The following SLC22A16 variants were observed in gnomAD, a reference collection of about 807,000 sequenced individuals.
SLC22A16 encodes WUGSC:RG331P03.1.
SLC22A16 carries 53 observed loss-of-function variants against 52.9 expected under a neutral mutation model. The observed-to-expected ratio is 1.00, with a 90% CI of 0.80 to 1.26. SLC22A16 has a LOEUF of 1.26. SLC22A16 is among the 50% of genes most tolerant of loss of function. The pLI is 0.00. For missense variants in SLC22A16, 726 were observed against 704.0 expected, an observed-to-expected ratio of 1.03 and a Z score of -0.35; for synonymous variants, 291 against 268.8, an observed-to-expected ratio of 1.08 and a Z score of -0.81.
chr6:110,438,774 G>C lies in SLC22A16; in HGVS notation c.1257C>G (p.Ala419=). The change falls in exon 5 of 8, where the codon GCC becomes GCG. Residue 419 remains alanine (A), a synonymous_variant. Transcript: ENST00000368919. Reference sequence around the variant, plus strand: ...CCAGTGCACTGCAGAAAAGAGAGTAGGCCAGGACTGTTCTCCTCCCGACCT... The same window carrying C: ...CCAGTGCACTGCAGAAAAGAGAGTACGCCAGGACTGTTCTCCTCCCGACCT... ...MDKVGRRTVL[A]YSLFCSALAC... is the part of the protein sequence containing the mutation. 1 of 1,614,074 alleles carries C rather than the reference G, an allele frequency of 6.2e-7. No individual in the cohort carries two copies. Among genetic ancestry groups the C allele is most frequent in the Non-Finnish European group, 8.5e-7 (1 of 1,179,986 alleles).
intron 1 of SLC22A16, among the ~76,000 whole-genome samples, chr6:110,464,725 G>C (rs1776003596): frequency 6.6e-6 from 1 of 152,100 alleles, no homozygotes; most frequent in Non-Finnish European, 1.5e-5. Context: ...CAAAGAGCTA[G>C]AACCAATCTT....
chr6:110,456,664 C>G lies in SLC22A16; in HGVS notation c.407G>C (p.Trp136Ser). Residue 136 changes from tryptophan to serine, a missense_variant, in exon 2 of 8, where the codon TGG (tryptophan) becomes TCG (serine). Coordinates refer to ENST00000368919, the MANE Select transcript of SLC22A16 (RefSeq NM_033125.4). ...VDGYIYDQNT[W>S]KSTAVTQWNL... ...CCACTGGGTCACCGCAGTGCTTTTC[C>G]ATGTGTTCTGGTCATATATGTAGCC... 3 of 1,614,162 alleles carry G rather than the reference C, an allele frequency of 1.9e-6. No individual in the cohort carries two copies. Among genetic ancestry groups the G allele is most frequent in the Non-Finnish European group, 2.5e-6 (3 of 1,180,034 alleles).
At chr6:110,442,016 CT>C (rs1232344436) in intron 4 of SLC22A16, among the ~76,000 whole-genome samples, 1 of 152,164 alleles carries the variant, frequency 6.6e-6, no homozygotes, top group African/African-American at 2.4e-5. Context: ...AAATTTTTGT[CT>C]TTTAATGCCA....
intron 7 of SLC22A16, among the ~76,000 whole-genome samples, chr6:110,426,424 C>T (rs940126919): frequency 6.6e-6 from 1 of 152,112 alleles, no homozygotes; most frequent in Non-Finnish European, 1.5e-5. Context: ...TCCTGCTTCC[C>T]TGACCAGCTC....
rs35948062 is a variant in SLC22A16 at position 110,438,740 on chromosome 6, C to T, written c.1291G>A (p.Val431Ile). 3,187 of 1,613,416 alleles carry T rather than the reference C, an allele frequency of 2.0e-3. 45 individuals are homozygous for T. The African/African-American group carries it at 0.032, about 16-fold the overall frequency. ...SLFCSALACGVVMVIPQKHYI... is the reference protein window; with the variant it reads ...SLFCSALACGIVMVIPQKHYI... ...CTCACCTGGGGGATCACCATAACGA[C>T]ACCACAGGCCAGTGCACTGCAGAAA... The change falls in exon 5 of 8, where the codon GTC (valine) becomes ATC (isoleucine). Residue 431 changes from valine to isoleucine, a missense_variant. Physicochemically the swap from Val to Ile is conservative, Grantham distance 29 (BLOSUM62 3). Transcript: ENST00000368919.
At chr6:110,458,945 G>A (rs1310085472) in intron 1 of SLC22A16, among the ~76,000 whole-genome samples, 1 of 152,046 alleles carries the variant, frequency 6.6e-6, no homozygotes, top group Non-Finnish European at 1.5e-5. Context: ...AGACTTCTCA[G>A]CCTTTATAAC....
chr6:110,470,518 T>C (rs1368467809), intron 1 of SLC22A16, among the ~76,000 whole-genome samples: 1 of 152,114 alleles, frequency 6.6e-6, no homozygotes, highest in Non-Finnish European at 1.5e-5. Flanking sequence ...TCCAGCACCA[T>C]TCAGGCGTCC....
chr6:110,432,732 T>C (rs988403530), intron 6 of SLC22A16, among the ~76,000 whole-genome samples: 4 of 152,238 alleles, frequency 2.6e-5, no homozygotes, highest in Non-Finnish European at 5.9e-5. Flanking sequence ...TGTCAGCCTG[T>C]AAGTGCTAGA....
At chr6:110,458,635 G>A (rs1775757177) in intron 1 of SLC22A16, among the ~76,000 whole-genome samples, 1 of 152,234 alleles carries the variant, frequency 6.6e-6, no homozygotes, top group Non-Finnish European at 1.5e-5. Flanking sequence ...GGGTGTGTCT[G>A]TGAGAGTGTC....
At chr6:110,475,442 A>G (rs1478505538) in intron 1 of SLC22A16, among the ~76,000 whole-genome samples, 1 of 152,218 alleles carries the variant, frequency 6.6e-6, no homozygotes, top group African/African-American at 2.4e-5. Context: ...GGCACAAGGC[A>G]GCGTTCAATG....
chr6:110,424,858 G>T lies in SLC22A16; in HGVS notation c.*15C>A. ...TAAATAATATTTCAGGTGCTAGACA[G>T]CAGGCATGGCACATTTATTCACCAA... On this transcript the variant is annotated 3_prime_UTR_variant, in exon 8 of 8. Transcript: ENST00000368919. 6.2e-7 allele frequency: 1 copy of T among 1,613,992 alleles called. No individual in the cohort carries two copies. The highest frequency in any genetic ancestry group is 8.5e-7 in the Non-Finnish European group (1 of 1,179,924).
At position 110,476,547 on chromosome 6, in the gene SLC22A16, A is replaced by C; in HGVS notation, c.28T>G (p.Tyr10Asp). 6.6e-7 allele frequency: 1 copy of C among 1,508,846 alleles called. No individual in the cohort carries two copies. Among genetic ancestry groups the C allele is most frequent in the Non-Finnish European group, 8.8e-7 (1 of 1,134,452 alleles). The allele number at this position is 1,508,846 out of a possible 1,614,324, so 93.5% of individuals were successfully genotyped here. A position where few individuals can be genotyped will look rare whatever the true frequency, so the allele number is the denominator to read the frequency against. Reference protein sequence around the residue: MGSRHFEGIYDHVGHFGRFQ... With the variant: MGSRHFEGIDDHVGHFGRFQ... ...CTGCCGAAGTGCCCCACGTGGTCAT[A>C]AATCCCCTCGAAGTGGCGGGACCCC... Residue 10 changes from tyrosine to aspartate, a missense_variant, in exon 1 of 8, where the codon TAT (tyrosine) becomes GAT (aspartate). Coordinates refer to ENST00000368919, the MANE Select transcript of SLC22A16 (RefSeq NM_033125.4).
intron 1 of SLC22A16, among the ~76,000 whole-genome samples, chr6:110,460,876 A>G (rs1323907586): frequency 3.9e-5 from 6 of 152,192 alleles, no homozygotes; most frequent in Admixed American, 3.9e-4. Flanking sequence ...TAGGGGGAGC[A>G]CAGCCCACCA....
intron 4 of SLC22A16, 125 bp from the exon 5 acceptor site, chr6:110,438,972 C>T (rs1229234285): frequency 8.2e-7 from 1 of 1,223,830 alleles, no homozygotes; most frequent in African/African-American, 1.5e-5. Context: ...CCTTTAGAAA[C>T]TCTCTAAGAA....
chr6:110,466,480 AT>A (rs1457884427), intron 1 of SLC22A16, among the ~76,000 whole-genome samples: 2 of 152,150 alleles, frequency 1.3e-5, no homozygotes, highest in Non-Finnish European at 2.9e-5. Flanking sequence ...ATAAACAGAC[AT>A]TTTCCAAAAG....
chr6:110,470,140 G>A (rs532481688), intron 1 of SLC22A16, among the ~76,000 whole-genome samples: 24 of 152,034 alleles, frequency 1.6e-4, no homozygotes, highest in Non-Finnish European at 2.9e-4. Flanking sequence ...GCATCTACCC[G>A]CTAGACACCA....
At chr6:110,433,836 A>G (rs1774605076) in intron 6 of SLC22A16, among the ~76,000 whole-genome samples, 1 of 152,334 alleles carries the variant, frequency 6.6e-6, no homozygotes, top group Non-Finnish European at 1.5e-5. Context: ...GGAAACTATT[A>G]CGGAATTTCA....
chr6:110,463,519 A>AAAAAAAAAAAAAAAAAAAAAAAC, intron 1 of SLC22A16, among the ~76,000 whole-genome samples: 1 of 149,016 alleles, frequency 6.7e-6, no homozygotes, highest in East Asian at 1.9e-4. Flanking sequence ...AACAGTAAAA[A>AAAAAAAAAAAAAAAAAAAAAAAC]AAAAAAAAAA....
intron 1 of SLC22A16, among the ~76,000 whole-genome samples, chr6:110,463,398 A>C (rs1775953862): frequency 6.6e-6 from 1 of 151,662 alleles, no homozygotes; most frequent in Non-Finnish European, 1.5e-5. Flanking sequence ...ATATGTAAAG[A>C]TACCCATAGC....
Sources: allele counts gnomAD v4.1 joint callset (sites outside exome capture counted in the v4.1 genomes callset), GRCh38; gene constraint gnomAD v4.1.1; transcripts MANE v1.5; gene names NCBI Gene and HGNC (gene_info 2026-07-23, HGNC 2026-07-21).